LAMA2: variants seen among roughly 807,000 people sequenced by gnomAD.
The protein encoded by LAMA2 is laminin subunit alpha-2.
Under a neutral mutation model 364.8 loss-of-function variants are expected in LAMA2, and 269 were observed. The ratio of observed to expected loss-of-function variants is 0.74; its 90% CI spans 0.67 to 0.82. LAMA2 has a LOEUF of 0.82. Ranked by LOEUF, LAMA2 falls within the 40% of genes least tolerant of loss-of-function variation. The pLI, the probability that LAMA2 is intolerant of heterozygous loss-of-function variation, is 0.00. For missense variants in LAMA2, 3,807 were observed against 3,873.2 expected (o/e 0.98, Z 0.45); for synonymous variants, 1,379 against 1,370.6 (o/e 1.01, Z -0.14).
In LAMA2 at chr6:129,342,486, A is replaced by G. The variant is rs372034931; in HGVS notation, c.4436+19A>G. 42 of 1,610,380 alleles carry G rather than the reference A, an allele frequency of 2.6e-5. No individual in the cohort carries two copies. Among genetic ancestry groups the G allele is most frequent in the Non-Finnish European group, 3.5e-5 (41 of 1,177,550 alleles). On this transcript the variant is annotated intron_variant, in intron 30 of 64. Transcript: ENST00000421865. ...GTAACAAGTAAGATTGAGAAATATA[A>G]CCATATTTCCCAATCAGAAACGCCA...
chr6:129,479,077 TTC>T (rs746040186), intron 54 of LAMA2, among the ~76,000 whole-genome samples: 2 of 152,210 alleles, frequency 1.3e-5, no homozygotes, highest in Non-Finnish European at 2.9e-5. Flanking sequence ...TTTTCTGTTT[TTC>T]TCTTTTTTTC....
intron 31 of LAMA2, 127 bp downstream of exon 31, chr6:129,349,511 C>A (rs1360125671): frequency 7.5e-6 from 6 of 797,278 alleles, no homozygotes; most frequent in East Asian, 5.3e-5. Flanking sequence ...GTTTAAATTA[C>A]AATGCTTTCA....
intron 22 of LAMA2, among the ~76,000 whole-genome samples, chr6:129,306,313 CTTTTTTTT>C (rs11315443): frequency 4.3e-5 from 3 of 70,392 alleles, no homozygotes; most frequent in East Asian, 3.9e-4. Flanking sequence ...TAATTTTTTC[CTTTTTTTT>C]TTTTTTTTTT....
intron 3 of LAMA2, among the ~76,000 whole-genome samples, chr6:129,070,630 T>G (rs759791539): frequency 2.5e-4 from 38 of 152,180 alleles, no homozygotes; most frequent in Non-Finnish European, 4.3e-4. Context: ...ACTAGTATGC[T>G]CTTTCCTTAA....
chr6:129,371,693 G>A (rs1238414340), intron 34 of LAMA2, among the ~76,000 whole-genome samples: 13 of 148,240 alleles, frequency 8.8e-5, no homozygotes, highest in African/African-American at 2.0e-4. Flanking sequence ...TGCAACCTCC[G>A]CCTCCCGGGT....
At chr6:129,045,128 C>G (rs879437477) in intron 1 of LAMA2, among the ~76,000 whole-genome samples, 1 of 152,020 alleles carries the variant, frequency 6.6e-6, no homozygotes, top group Non-Finnish European at 1.5e-5. Context: ...TAAAAATAAA[C>G]AGCAAAATAG....
chr6:128,941,458 A>T (rs1780152247), intron 1 of LAMA2, among the ~76,000 whole-genome samples: 2 of 152,228 alleles, frequency 1.3e-5, no homozygotes, highest in South Asian at 4.1e-4. Flanking sequence ...GAATCAATCA[A>T]TCCAATTAAT....
At chr6:129,457,585 A>G (rs1222658190) in intron 48 of LAMA2, among the ~76,000 whole-genome samples, 2 of 152,130 alleles carry the variant, frequency 1.3e-5, no homozygotes, top group Admixed American at 1.3e-4. Context: ...ATACAATAAT[A>G]CATTTTTTAA....
At chr6:129,333,235 G>A (rs1396537628) in intron 29 of LAMA2, among the ~76,000 whole-genome samples, 2 of 152,038 alleles carry the variant, frequency 1.3e-5, no homozygotes, top group Non-Finnish European at 2.9e-5. Flanking sequence ...GCTTTCACTT[G>A]TCAAAAGCTA....
chr6:129,484,029 A>T (rs1784478678), intron 55 of LAMA2, among the ~76,000 whole-genome samples: 1 of 152,232 alleles, frequency 6.6e-6, no homozygotes, highest in South Asian at 2.1e-4. Context: ...AAGAAAATAT[A>T]CCAGGATTAA....
intron 64 of LAMA2, among the ~76,000 whole-genome samples, chr6:129,515,920 C>T (rs1026331473): frequency 6.6e-6 from 1 of 151,962 alleles, no homozygotes; most frequent in Non-Finnish European, 1.5e-5. Context: ...AAGGGAGGAT[C>T]GCTTGAGCCC....
At chr6:129,307,095 A>C (rs1433149558) in intron 22 of LAMA2, among the ~76,000 whole-genome samples, 7 of 152,174 alleles carry the variant, frequency 4.6e-5, no homozygotes, top group African/African-American at 1.7e-4. Context: ...TTATGCTGGC[A>C]AACAGTTTAG....
At chr6:129,380,695 T>G (rs2114649083) in intron 34 of LAMA2, among the ~76,000 whole-genome samples, 1 of 152,268 alleles carries the variant, frequency 6.6e-6, no homozygotes. Flanking sequence ...TACAAGAAGG[T>G]GCTAAGAAGG....
chr6:129,314,945 C>T (rs1731100182), intron 24 of LAMA2, 147 bp downstream of exon 24: 1 of 786,332 alleles, frequency 1.3e-6, no homozygotes, highest in Non-Finnish European at 2.2e-6. Flanking sequence ...AAAGGGGTCA[C>T]GTGCCATTAG....
chr6:129,100,235 G>C (rs961707218), intron 4 of LAMA2, among the ~76,000 whole-genome samples: 3 of 152,088 alleles, frequency 2.0e-5, no homozygotes, highest in Non-Finnish European at 4.4e-5. Context: ...TAATTAGTTA[G>C]TTTCTTTAAT....
intron 1 of LAMA2, among the ~76,000 whole-genome samples, chr6:128,896,589 A>T (rs1388878444): frequency 6.6e-6 from 1 of 152,194 alleles, no homozygotes; most frequent in African/African-American, 2.4e-5. Flanking sequence ...AGCTTTGATA[A>T]AATATTTTTC....
intron 12 of LAMA2, among the ~76,000 whole-genome samples, chr6:129,233,680 TAAA>T (rs1784810608): frequency 6.6e-6 from 1 of 152,168 alleles, no homozygotes; most frequent in African/African-American, 2.4e-5. Flanking sequence ...AATCCGCGTA[TAAA>T]TGGACCGGAC....
At chr6:129,504,705 T>C (rs1278649367) in intron 60 of LAMA2, among the ~76,000 whole-genome samples, 1 of 152,226 alleles carries the variant, frequency 6.6e-6, no homozygotes, top group Admixed American at 6.5e-5. Context: ...CAGAAAGTAG[T>C]GCAGCTTATT....
intron 16 of LAMA2, among the ~76,000 whole-genome samples, 178 bp from the exon 17 acceptor site, chr6:129,270,446 T>G (rs905157942): frequency 1.3e-5 from 2 of 152,160 alleles, no homozygotes; most frequent in Admixed American, 6.6e-5. Context: ...GTGTTGTTTA[T>G]AAGCTAGATA....
Sources: gnomAD v4.1 joint callset for allele counts (sites outside exome capture counted in the v4.1 genomes callset) on GRCh38, gnomAD v4.1.1 for gene constraint, MANE v1.5 for transcripts, NCBI Gene and HGNC (gene_info 2026-07-23, HGNC 2026-07-21) for gene names.